The following CCNB2 variants were observed in gnomAD, a reference collection of about 807,000 sequenced individuals.
CCNB2 encodes the protein cyclin B2.
Under a neutral mutation model 51.1 loss-of-function variants are expected in CCNB2, and 39 were observed. The observed-to-expected ratio is 0.76, with a 90% confidence interval of 0.59 to 1.00. The LOEUF (loss-of-function observed/expected upper bound fraction) is 1.00. Ranked by LOEUF, CCNB2 falls within the 50% of genes least tolerant of loss-of-function variation. The pLI, the probability that CCNB2 is intolerant of heterozygous loss-of-function variation, is 0.00. For missense variants in CCNB2, 472 were observed against 470.3 expected (o/e 1.00, Z -0.03); for synonymous variants, 174 against 165.5 (o/e 1.05, Z -0.40).
intron 3 of CCNB2, among the ~76,000 whole-genome samples, chr15:59,113,169 T>C (rs1210074641): frequency 6.6e-6 from 1 of 152,252 alleles, no homozygotes; most frequent in Non-Finnish European, 1.5e-5. Context: ...AGTGAAATAC[T>C]GAGTTGTGAA....
chr15:59,117,426 A>C lies in CCNB2; in HGVS notation c.975+58A>C. On this transcript the variant is annotated intron_variant, in intron 7 of 8. Transcript: ENST00000288207. Reference sequence around the variant, plus strand: ...GCTATATTTTAGTCCTTCGTAATACAAAAGGCCTTAGCATTTTTACAACAC... The same window carrying C: ...GCTATATTTTAGTCCTTCGTAATACCAAAGGCCTTAGCATTTTTACAACAC... The C allele has an allele frequency of 7.8e-6, 12 of 1,539,372 alleles. No individual in the cohort carries two copies. The South Asian group carries it at 1.4e-4, about 18-fold the overall frequency.
chr15:59,123,689 T>TGG lies in CCNB2; in HGVS notation c.1086+64_1086+65dup, dbSNP rs1168762299. The TGG allele has an allele frequency of 1.4e-4, 64 of 458,862 alleles. 1 individual carries two copies. The African/African-American group carries it at 1.8e-3, about 13-fold the overall frequency. The allele number at this position is 458,862 out of a possible 1,614,324, so 28.4% of individuals were successfully genotyped here. On this transcript the variant is annotated intron_variant, in intron 8 of 8. Transcript: ENST00000288207. Reference sequence around the variant, plus strand: ...TAGGTTCTGGGTTTTGTGTGTATGTTGGGCGGGGGGGGGCGGTGTGTGCCG... The same window carrying TGG: ...TAGGTTCTGGGTTTTGTGTGTATGTTGGGGGCGGGGGGGGGCGGTGTGTGCCG...
chr15:59,124,801 T>G lies in CCNB2; in HGVS notation c.1121T>G (p.Leu374Arg), dbSNP rs1324824176. The G allele has an allele frequency of 3.7e-6, 6 of 1,613,698 alleles. No homozygotes were observed. Among genetic ancestry groups the G allele is most frequent in the Non-Finnish European group, 4.2e-6 (5 of 1,179,816 alleles). ...IKNKYASSKL[L>R]KISMIPQLNS... Reference sequence around the variant, plus strand: ...AATAAGTATGCAAGCAGCAAACTCCTGAAGATCAGCATGATCCCTCAGCTG... The same window carrying G: ...AATAAGTATGCAAGCAGCAAACTCCGGAAGATCAGCATGATCCCTCAGCTG... The change falls in exon 9 of 9, where the codon CTG becomes CGG. Residue 374 changes from leucine (L) to arginine (R), a missense_variant. Leu to Arg is a moderately radical substitution (Grantham distance 102). Coordinates refer to ENST00000288207, the MANE Select transcript of CCNB2 (RefSeq NM_004701.4).
At chr15:59,118,610 G>T (rs1312900288) in intron 7 of CCNB2, among the ~76,000 whole-genome samples, 4 of 152,208 alleles carry the variant, frequency 2.6e-5, no homozygotes, top group Non-Finnish European at 5.9e-5. Flanking sequence ...CTTGAACCCG[G>T]AAGACAAAAG....
At chr15:59,107,763 C>T (rs1282847923) in intron 3 of CCNB2, 93 bp downstream of exon 3, 18 of 868,126 alleles carry the variant, frequency 2.1e-5, no homozygotes, top group Admixed American at 9.3e-5. Context: ...TACCTTCTAA[C>T]GAACATTCAT....
chr15:59,124,486 C>T (rs1364569891), intron 8 of CCNB2: 1 of 415,914 alleles, frequency 2.4e-6, no homozygotes, highest in Non-Finnish European at 4.3e-6. Context: ...GCTCCCCCTC[C>T]CATCCCTCTG....
In CCNB2 at chr15:59,116,550, T is replaced by A. The variant is rs1365504483; in HGVS notation, c.598-140T>A. ...TACAGATAGCTGTCATGATCAGTGG[T>A]AGAACAGTCAGGTCTCCTGTGCCCT... On this transcript the variant is annotated intron_variant, in intron 5 of 8. Coordinates refer to ENST00000288207, the MANE Select transcript of CCNB2 (RefSeq NM_004701.4). 5 of 375,628 alleles carry A rather than the reference T, an allele frequency of 1.3e-5. No individual in the cohort carries two copies. The Admixed American group carries it at 2.8e-4, about 21-fold the overall frequency. The allele number at this position is 375,628 out of a possible 1,614,324, so 23.3% of individuals were successfully genotyped here.
At position 59,116,641 on chromosome 15, in the gene CCNB2, T is replaced by G. The variant is rs756589572; in HGVS notation, c.598-49T>G. 2.3e-6 allele frequency: 3 copies of G among 1,316,454 alleles called. No homozygotes were observed. In the East Asian group the frequency reaches 7.3e-5, roughly 32 times the overall value. 81.5% of individuals were successfully genotyped at this position (1,316,454 alleles called of 1,614,324 possible). Reference sequence around the variant, plus strand: ...CCTTTCCCCTTCTCCCACCTAAAGCTTCACTCTTCTTGTTAGGTGTGACTT... The same window carrying G: ...CCTTTCCCCTTCTCCCACCTAAAGCGTCACTCTTCTTGTTAGGTGTGACTT... On this transcript the variant is annotated intron_variant, in intron 5 of 8. Transcript: ENST00000288207.
intron 3 of CCNB2, among the ~76,000 whole-genome samples, chr15:59,109,327 T>C (rs1007095673): frequency 2.1e-4 from 32 of 152,168 alleles, no homozygotes; most frequent in African/African-American, 7.2e-4. Flanking sequence ...CGCCTGGCGG[T>C]AGTATATTTC....
intron 7 of CCNB2, chr15:59,121,712 A>G (rs2079302456): frequency 6.6e-6 from 1 of 152,082 alleles, no homozygotes; most frequent in South Asian, 2.1e-4. Flanking sequence ...CGGGTGGATC[A>G]CTTGAGGCCA....
rs142216385 is a variant in CCNB2 at position 59,105,565 on chromosome 15, C to A, written c.24+273C>A. Among the ~76,000 whole-genome samples the A allele has an allele frequency of 2.8e-3, 420 of 152,302 alleles. 2 individuals are homozygous for A. Among genetic ancestry groups the A allele is most frequent in the African/African-American group, 9.6e-3 (398 of 41,568 alleles). The stretch of plus-strand genomic sequence containing the variant: ...CCGAGATGGCGCCTGTCAAGTGAGC[C>A]CCCAGAGCACTAGGCCTAGTACTCA... On this transcript the variant is annotated intron_variant, in intron 1 of 8. Transcript: ENST00000288207.
intron 3 of CCNB2, among the ~76,000 whole-genome samples, chr15:59,113,554 C>T (rs567301272): frequency 6.6e-6 from 1 of 152,064 alleles, no homozygotes; most frequent in East Asian, 1.9e-4. Flanking sequence ...TGAGAAAAAA[C>T]AGAATAATAC....
chr15:59,105,429 C>T (rs539635755), intron 1 of CCNB2, 137 bp downstream of exon 1: 32 of 1,006,238 alleles, frequency 3.2e-5, no homozygotes, highest in Non-Finnish European at 4.5e-5. Flanking sequence ...CTGCTTCGCC[C>T]GCGTCCCTGG....
chr15:59,116,834 G>A lies in CCNB2; in HGVS notation c.742G>A (p.Glu248Lys). ...TGCTTATACCAGTTCCCAAATCCGA[G>A]AAATGGAAACTCTAATTTTGAAAGA... ...DNAYTSSQIR[E>K]METLILKELK... is the part of the protein sequence containing the mutation. The change falls in exon 6 of 9, where the codon GAA becomes AAA. Residue 248 changes from glutamate (E) to lysine (K), a missense_variant. Physicochemically the swap from Glu to Lys is moderately conservative, Grantham distance 56. Coordinates refer to ENST00000288207, the MANE Select transcript of CCNB2 (RefSeq NM_004701.4). 6.2e-7 allele frequency: 1 copy of A among 1,614,168 alleles called. No individual in the cohort carries two copies. The highest frequency in any genetic ancestry group is 8.5e-7 in the Non-Finnish European group (1 of 1,180,024).
At chr15:59,122,795 G>A (rs563559436) in intron 7 of CCNB2, among the ~76,000 whole-genome samples, 2 of 150,608 alleles carry the variant, frequency 1.3e-5, no homozygotes, top group Non-Finnish European at 3.0e-5. Flanking sequence ...CTTGGCCTCC[G>A]AAAGTGCTGG....
chr15:59,108,574 G>T (rs1231024639), intron 3 of CCNB2, among the ~76,000 whole-genome samples: 1 of 152,138 alleles, frequency 6.6e-6, no homozygotes, highest in Non-Finnish European at 1.5e-5. Flanking sequence ...AGAATACTTT[G>T]GACACATGGC....
chr15:59,109,753 G>A (rs1174895546), intron 3 of CCNB2, among the ~76,000 whole-genome samples: 1 of 152,192 alleles, frequency 6.6e-6, no homozygotes, highest in South Asian at 2.1e-4. Context: ...TTGGGAGGCC[G>A]AGGCGGGCGG....
At chr15:59,118,571 C>A (rs1346447295) in intron 7 of CCNB2, among the ~76,000 whole-genome samples, 1 of 152,194 alleles carries the variant, frequency 6.6e-6, no homozygotes, top group Non-Finnish European at 1.5e-5. Context: ...GTAATCCAGG[C>A]TACTCTGGAG....
chr15:59,116,990 C>A, intron 6 of CCNB2, 64 bp downstream of exon 6: 1 of 1,346,024 alleles, frequency 7.4e-7, no homozygotes, highest in Non-Finnish European at 1.0e-6. Context: ...AAACCTTGAC[C>A]TAATTTAAGG....
Sources: allele counts gnomAD v4.1 joint callset (sites outside exome capture counted in the v4.1 genomes callset), GRCh38; gene constraint gnomAD v4.1.1; transcripts MANE v1.5; gene names NCBI Gene and HGNC (gene_info 2026-07-23, HGNC 2026-07-21).